NBPF20: variants seen among roughly 807,000 people sequenced by gnomAD.
NBPF20 encodes the protein NBPF member 20, also known as NBPF family member NBPF20.
In NBPF20, 90 loss-of-function variants were observed where a neutral mutation model predicts 68.1. That is an observed-to-expected ratio of 1.32 (90% CI 1.11 to 1.58). NBPF20 has a LOEUF of 1.58. Ranked by LOEUF, NBPF20 falls within the 40% of genes most tolerant of loss-of-function variation. The pLI, the probability that NBPF20 is intolerant of heterozygous loss-of-function variation, is 0.00. For missense variants in NBPF20, 816 were observed against 601.2 expected (o/e 1.36, Z -3.74); for synonymous variants, 290 against 228.1 (o/e 1.27, Z -2.45).
exon 138 of NBPF20, chr1:145,291,599 T>A (rs377296885): frequency 1.1e-5 from 18 of 1,611,994 alleles, no homozygotes; most frequent in Non-Finnish European, 1.4e-5. Flanking sequence ...AAACCTATTG[T>A]CCACGTAAAG....
chr1:145,291,310 GCA>G (rs1158793965), exon 138 of NBPF20: 2 of 713,776 alleles, frequency 2.8e-6, no homozygotes, highest in Non-Finnish European at 4.6e-6. Flanking sequence ...GGCATGTGCT[GCA>G]CAGTTATGTG....
At chr1:145,410,698 ATATGTG>A in the NBPF20 span, among the ~76,000 whole-genome samples, 283 of 112,982 alleles carry the variant, frequency 2.5e-3, 5 homozygotes, top group African/African-American at 8.0e-3. Flanking sequence ...CAATATATAT[ATATGTG>A]TGTGTGTGTG....
In NBPF20 at chr1:145,352,336, C is replaced by G. The variant is rs1435936504; in HGVS notation, c.7350-247G>C. Among the ~76,000 whole-genome samples the G allele has an allele frequency of 3.0e-4, 27 of 89,744 alleles. 2 individuals carry two copies. The highest frequency in any genetic ancestry group is 8.0e-4 in the African/African-American group (19 of 23,840). 58.9% of individuals were successfully genotyped at this position (89,744 alleles called of 152,430 possible). A position where few individuals can be genotyped will look rare whatever the true frequency, so the allele number is the denominator to read the frequency against. On this transcript the variant is annotated intron_variant, in intron 61 of 137. Coordinates refer to ENST00000369373, the Ensembl canonical transcript of NBPF20. ...ACACACACACACACACACAGACACA[C>G]ACACACACACAGAGAGAACGAGCTC...
upstream of NBPF20, among the ~76,000 whole-genome samples, chr1:145,409,095 G>C (rs1662912292): frequency 6.7e-6 from 1 of 148,344 alleles, no homozygotes; most frequent in Admixed American, 6.8e-5. Context: ...TCAGCCCCAA[G>C]GAGCCACTGT....
chr1:145,394,850 A>G, intron 8 of NBPF20, 128 bp downstream of exon 13: 1 of 1,571,954 alleles, frequency 6.4e-7, no homozygotes, highest in Admixed American at 1.7e-5. Flanking sequence ...TGAAATCTAC[A>G]TTGATATATA....
the NBPF20 span, among the ~76,000 whole-genome samples, chr1:145,425,413 G>A: frequency 6.6e-6 from 1 of 152,128 alleles, no homozygotes; most frequent in Admixed American, 6.5e-5. Context: ...CGGCAGCCGC[G>A]CCGCCGCGCC....
exon 6 of NBPF20, chr1:145,400,396 A>C: frequency 1.2e-6 from 2 of 1,612,826 alleles, no homozygotes; most frequent in Non-Finnish European, 1.7e-6. Flanking sequence ...TACCTGGAAT[A>C]ATGTGTACAG....
At chr1:145,424,837 T>C in the NBPF20 span, among the ~76,000 whole-genome samples, 5 of 152,192 alleles carry the variant, frequency 3.3e-5, no homozygotes, top group East Asian at 1.9e-4. Context: ...GATTCAGTGA[T>C]GGCTACAAAT....
At chr1:145,423,684 T>C in the NBPF20 span, among the ~76,000 whole-genome samples, 1 of 150,690 alleles carries the variant, frequency 6.6e-6, no homozygotes, top group African/African-American at 2.4e-5. Flanking sequence ...ATACTCAATC[T>C]CAATACCAGG....
rs1662608896 is a variant in NBPF20 at position 145,403,194 on chromosome 1, T to G, written c.278+22A>C. The G allele has an allele frequency of 3.7e-6, 6 of 1,612,196 alleles. No individual in the cohort carries two copies. The South Asian group carries it at 6.6e-5, about 18-fold the overall frequency. On this transcript the variant is annotated intron_variant, in intron 3 of 137. Coordinates refer to ENST00000369373, the Ensembl canonical transcript of NBPF20. ...AGATTTACACACCTGCCCCCCTGCC[T>G]GCCACCATGGGGTCCCCTCACCTGA...
chr1:145,405,671 C>A, upstream of NBPF20: 1 of 556,270 alleles, frequency 1.8e-6, no homozygotes, highest in South Asian at 2.1e-5. Context: ...CTAGTCTCAC[C>A]TGAGGGTCAC....
At chr1:145,312,310 T>G in exon 112 of NBPF20, 2 of 110,896 alleles carry the variant, frequency 1.8e-5, no homozygotes, top group Middle Eastern at 7.1e-3. Flanking sequence ...CCTGAAGGAG[T>G]TGAATAACAT....
rs1379889134 is a variant in NBPF20 at position 145,402,306 on chromosome 1, A to G, written c.354T>C (p.Asp118=). ...GATGCTCATTCAATGAGCGGGAGGC[A>G]TCTCTCCCTTCCCGCAACTTCTCCC... The change falls in exon 4 of 138, where the codon GAT becomes GAC. Residue 118 remains aspartate, a synonymous_variant. Transcript: ENST00000369373. The G allele has an allele frequency of 1.7e-4, 272 of 1,610,580 alleles. No homozygotes were observed. The African/African-American group carries it at 3.2e-3, about 19-fold the overall frequency.
chr1:145,401,859 T>TGCAGA (rs1290837737), intron 4 of NBPF20, among the ~76,000 whole-genome samples: 760 of 776 alleles, frequency 0.98, 380 homozygotes, highest in Middle Eastern at 1. Flanking sequence ...TCATTCTTAG[T>TGCAGA]GCTCTTTCAC....
chr1:145,397,571 G>C (rs1172769345), intron 7 of NBPF20, among the ~76,000 whole-genome samples: 8 of 152,264 alleles, frequency 5.3e-5, no homozygotes, highest in Middle Eastern at 3.4e-3. Flanking sequence ...CCTTACAAGA[G>C]CTCCTAAAGG....
chr1:145,404,292 C>T (rs1476931111), intron 2 of NBPF20, among the ~76,000 whole-genome samples: 1 of 151,128 alleles, frequency 6.6e-6, no homozygotes, highest in African/African-American at 2.4e-5. Context: ...CGAGTCTTGC[C>T]CTGTCACCCA....
chr1:145,408,367 CTT>C (rs1209291407), upstream of NBPF20, among the ~76,000 whole-genome samples: 1 of 151,878 alleles, frequency 6.6e-6, no homozygotes, highest in Admixed American at 6.6e-5. Context: ...GGCTGGAAAA[CTT>C]TTTTGTTTTG....
At chr1:145,402,259 T>G (rs1407225779) in exon 4 of NBPF20, 8 of 1,609,722 alleles carry the variant, frequency 5.0e-6, no homozygotes, top group Non-Finnish European at 6.8e-6. Flanking sequence ...GTCCGGCTCA[T>G]CCGGAGTAAG....
At chr1:145,366,258 G>A in exon 44 of NBPF20, 1 of 106,056 alleles carries the variant, frequency 9.4e-6, no homozygotes, top group African/African-American at 4.4e-4. Context: ...CAGGAGTCAG[G>A]CTGTTCAAGA....
Sources: allele counts gnomAD v4.1 joint callset (sites outside exome capture counted in the v4.1 genomes callset), GRCh38; gene constraint gnomAD v4.1.1; transcripts MANE v1.5; gene names NCBI Gene and HGNC (gene_info 2026-07-23, HGNC 2026-07-21).